STX8: variants seen among roughly 807,000 people sequenced by gnomAD.
STX8 encodes the protein syntaxin 8, also known as syntaxin-8.
STX8 carries 23 observed loss-of-function variants against 37.5 expected under a neutral mutation model. The observed-to-expected ratio is 0.61, with a 90% CI of 0.44 to 0.87. The LOEUF (loss-of-function observed/expected upper bound fraction) is 0.87, where lower values mean the gene tolerates loss of function less well. Ranked by LOEUF, STX8 falls within the 40% of genes least tolerant of loss-of-function variation. The pLI, the probability that STX8 is intolerant of heterozygous loss-of-function variation, is 0.00. For synonymous variants in STX8, 115 were observed against 99.1 expected (o/e 1.16, Z -0.95); for missense variants, 313 against 284.7 (o/e 1.10, Z -0.71).
At chr17:9,350,301 T>G (rs1910663432) in intron 7 of STX8, among the ~76,000 whole-genome samples, 1 of 152,238 alleles carries the variant, frequency 6.6e-6, no homozygotes, top group Non-Finnish European at 1.5e-5. Flanking sequence ...AATTTAAAAC[T>G]TATGAATTGT....
intron 6 of STX8, among the ~76,000 whole-genome samples, chr17:9,482,750 C>T (rs988545614): frequency 6.6e-6 from 1 of 152,060 alleles, no homozygotes; most frequent in Non-Finnish European, 1.5e-5. Context: ...CCCGTCTCTA[C>T]TAAAAATACA....
At chr17:9,545,836 C>T (rs1051655559) in intron 3 of STX8, among the ~76,000 whole-genome samples, 1 of 152,204 alleles carries the variant, frequency 6.6e-6, no homozygotes. Flanking sequence ...CTGCCTTGGC[C>T]TCCCAAAGTG....
Position 9,327,143 on chromosome 17 carries a change from G to A in STX8, c.643+51409C>T, listed in dbSNP as rs1205345269. ...TTGCACTCCAGCCTGGGCAACAAGA[G>A]CTAAACTCTGTCTCAAAAAAAAAAA... is the stretch of plus-strand genomic sequence containing the variant. On this transcript the variant is annotated intron_variant, in intron 7 of 7. Transcript: ENST00000306357. Among the ~76,000 whole-genome samples, 6 of 144,342 alleles carry A rather than the reference G, an allele frequency of 4.2e-5. No homozygotes were observed. In the East Asian group the frequency reaches 1.2e-3, roughly 29 times the overall value. The allele number at this position is 144,342 out of a possible 152,430, so 94.7% of individuals were successfully genotyped here.
intron 6 of STX8, among the ~76,000 whole-genome samples, chr17:9,433,708 G>C (rs114127527): frequency 1.8e-3 from 270 of 152,048 alleles, no homozygotes; most frequent in African/African-American, 6.1e-3. Flanking sequence ...ATTAAAACGG[G>C]GGAAGGGAGG....
chr17:9,375,596 G>A (rs1472807876), intron 7 of STX8, among the ~76,000 whole-genome samples: 1 of 152,112 alleles, frequency 6.6e-6, no homozygotes, highest in Non-Finnish European at 1.5e-5. Context: ...AGTAACGAGA[G>A]CTAATACCAG....
chr17:9,307,620 G>C lies in STX8; in HGVS notation c.644-56975C>G, dbSNP rs1040824066. 2.0e-5 allele frequency among the ~76,000 whole-genome samples: 3 copies of C among 152,162 alleles called. No individual in the cohort carries two copies. The East Asian group carries it at 5.8e-4, about 29-fold the overall frequency. On this transcript the variant is annotated intron_variant, in intron 7 of 7. Transcript: ENST00000306357. ...CTCTTACTCCTTAGGGCCTGGAAGC[G>C]GGGTGGAATTAACAGTTTCCCACTA...
intron 1 of STX8, among the ~76,000 whole-genome samples, chr17:9,570,157 C>T (rs1162198988): frequency 6.6e-6 from 1 of 151,964 alleles, no homozygotes; most frequent in African/African-American, 2.4e-5. Flanking sequence ...TTTTTTAAAA[C>T]CTTTCAATTC....
intron 6 of STX8, among the ~76,000 whole-genome samples, chr17:9,421,992 G>A (rs1913448216): frequency 6.6e-6 from 1 of 151,990 alleles, no homozygotes; most frequent in African/African-American, 2.4e-5. Context: ...TTTGTCTTCT[G>A]CCACGATTCT....
At chr17:9,345,170 G>C (rs1423299955) in intron 7 of STX8, among the ~76,000 whole-genome samples, 3 of 150,156 alleles carry the variant, frequency 2.0e-5, no homozygotes, top group Non-Finnish European at 4.4e-5. Context: ...TTTTTTTTTA[G>C]ATGGAGTTTT....
intron 7 of STX8, among the ~76,000 whole-genome samples, chr17:9,345,848 CTTTTTT>C (rs545020159): frequency 1.9e-4 from 10 of 52,078 alleles, no homozygotes; most frequent in East Asian, 1.4e-3. Flanking sequence ...TTATGCATTC[CTTTTTT>C]TTTTTTTTTT....
intron 6 of STX8, among the ~76,000 whole-genome samples, chr17:9,449,948 G>A (rs1163591675): frequency 6.6e-6 from 1 of 151,642 alleles, no homozygotes. Context: ...GTGAGGCCCC[G>A]TCTCAAAAAT....
chr17:9,409,324 A>G (rs986130806), intron 6 of STX8, among the ~76,000 whole-genome samples: 1 of 152,148 alleles, frequency 6.6e-6, no homozygotes, highest in Non-Finnish European at 1.5e-5. Flanking sequence ...AATCATTTGT[A>G]TACTATGAAA....
At chr17:9,455,361 A>T (rs192764961) in intron 6 of STX8, among the ~76,000 whole-genome samples, 2 of 152,038 alleles carry the variant, frequency 1.3e-5, no homozygotes, top group African/African-American at 4.8e-5. Flanking sequence ...TTAGCCAGGC[A>T]TGGTGGCACG....
intron 7 of STX8, among the ~76,000 whole-genome samples, chr17:9,260,314 C>T (rs980201067): frequency 1.3e-5 from 2 of 151,720 alleles, no homozygotes; most frequent in Non-Finnish European, 2.9e-5. Context: ...CAGAGTGAGA[C>T]CCTGTCTCTT....
At chr17:9,556,044 T>C (rs1430305768) in intron 3 of STX8, among the ~76,000 whole-genome samples, 1 of 152,192 alleles carries the variant, frequency 6.6e-6, no homozygotes, top group Non-Finnish European at 1.5e-5. Flanking sequence ...CTCAGAATAT[T>C]CCAATTGCGT....
chr17:9,354,363 C>T (rs1050336361), intron 7 of STX8, among the ~76,000 whole-genome samples: 8 of 146,042 alleles, frequency 5.5e-5, no homozygotes, highest in African/African-American at 2.1e-4. Context: ...ACTCTGTCAC[C>T]CAGGCTGGAG....
intron 7 of STX8, among the ~76,000 whole-genome samples, chr17:9,269,165 C>A (rs1014970323): frequency 7.0e-6 from 1 of 142,344 alleles, no homozygotes; most frequent in East Asian, 2.0e-4. Flanking sequence ...CCAGCCTGGG[C>A]GATAGAGCAA....
intron 6 of STX8, among the ~76,000 whole-genome samples, chr17:9,396,315 A>G (rs1262452531): frequency 6.8e-6 from 1 of 146,566 alleles, no homozygotes; most frequent in African/African-American, 2.6e-5. Context: ...AGTGGTTGCC[A>G]GGAGTTTGGG....
intron 7 of STX8, among the ~76,000 whole-genome samples, chr17:9,357,390 T>A (rs956254970): frequency 1.3e-5 from 2 of 151,874 alleles, no homozygotes; most frequent in Non-Finnish European, 1.5e-5. Context: ...ATTTAAAAAA[T>A]AAGAAGAAAA....
Sources: allele counts gnomAD v4.1 joint callset (sites outside exome capture counted in the v4.1 genomes callset), GRCh38; gene constraint gnomAD v4.1.1; transcripts MANE v1.5; gene names NCBI Gene and HGNC (gene_info 2026-07-23, HGNC 2026-07-21).